Variants in L3MBTL3 observed in about 807,000 individuals in gnomAD.
The protein encoded by L3MBTL3 is lethal(3)malignant brain tumor-like protein 3.
A neutral mutation model predicts 102.3 loss-of-function variants in L3MBTL3; 27 were observed. The ratio of observed to expected loss-of-function variants is 0.26; its 90% confidence interval spans 0.19 to 0.36. L3MBTL3 has a LOEUF of 0.36. Ranked by LOEUF, L3MBTL3 falls within the 10% of genes least tolerant of loss-of-function variation. The probability of loss-of-function intolerance (pLI) is 1.00; values close to 1 mark genes in which losing one functional copy is unlikely to be tolerated. For missense variants in L3MBTL3, 798 were observed against 955.3 expected, an observed-to-expected ratio of 0.84 and a Z score of 2.17; for synonymous variants, 340 against 320.9, an observed-to-expected ratio of 1.06 and a Z score of -0.64.
At chr6:130,114,991 C>T (rs1785571545) in intron 19 of L3MBTL3, among the ~76,000 whole-genome samples, 1 of 151,336 alleles carries the variant, frequency 6.6e-6, no homozygotes, top group Non-Finnish European at 1.5e-5. Flanking sequence ...TGTGGAGATT[C>T]TCATTCCCTT....
chr6:130,107,026 G>A (rs1785024420), intron 19 of L3MBTL3, among the ~76,000 whole-genome samples: 1 of 152,214 alleles, frequency 6.6e-6, no homozygotes, highest in South Asian at 2.1e-4. Flanking sequence ...TAACCCTTGA[G>A]AAGATACTGG....
intron 13 of L3MBTL3, among the ~76,000 whole-genome samples, chr6:130,072,021 T>A (rs1562286184): frequency 1.3e-5 from 2 of 152,094 alleles, no homozygotes; most frequent in African/African-American, 4.8e-5. Flanking sequence ...GCAGAATTTT[T>A]AAAAAATGTA....
At chr6:130,120,764 A>G in intron 19 of L3MBTL3, 115 bp from the exon 20 acceptor site, 1 of 765,746 alleles carries the variant, frequency 1.3e-6, no homozygotes, top group South Asian at 1.6e-5. Context: ...CCTTTCTAAC[A>G]CTTTAGTAGC....
At chr6:130,088,179 A>G (rs901274047) in intron 16 of L3MBTL3, among the ~76,000 whole-genome samples, 2 of 152,146 alleles carry the variant, frequency 1.3e-5, no homozygotes, top group African/African-American at 4.8e-5. Context: ...ACTGGCTGTG[A>G]GGGGTACAGT....
chr6:130,112,875 A>G (rs1306967738), intron 19 of L3MBTL3, among the ~76,000 whole-genome samples: 1 of 152,144 alleles, frequency 6.6e-6, no homozygotes, highest in Non-Finnish European at 1.5e-5. Flanking sequence ...ATCCTATCCC[A>G]GTGATCCATT....
chr6:130,064,580 G>C (rs924710390), intron 10 of L3MBTL3, among the ~76,000 whole-genome samples: 2 of 152,132 alleles, frequency 1.3e-5, no homozygotes, highest in Non-Finnish European at 2.9e-5. Context: ...TAGCATGGGG[G>C]AAGAAGAGGA....
At chr6:130,082,577 T>C (rs534661721) in intron 14 of L3MBTL3, among the ~76,000 whole-genome samples, 1 of 152,304 alleles carries the variant, frequency 6.6e-6, no homozygotes, top group African/African-American at 2.4e-5. Flanking sequence ...AATGTTCTTA[T>C]CATTTTTTGA....
chr6:130,066,370 A>G lies in L3MBTL3; in HGVS notation c.882A>G (p.Ile294Met), dbSNP rs779538633. The G allele has an allele frequency of 3.7e-6, 6 of 1,603,494 alleles. No individual in the cohort carries two copies. In the South Asian group the frequency reaches 6.7e-5, roughly 18 times the overall value. Residue 294 changes from isoleucine (I) to methionine (M), a missense_variant, in exon 11 of 23, where the codon ATA becomes ATG. Physicochemically the swap from Ile to Met is conservative, Grantham distance 10. Around this residue, in one of 4 missense-constraint regions of L3MBTL3, gnomAD observed 434 missense variants for 506.6 expected, o/e 0.86. Transcript: ENST00000361794. ...TGTTTCAGGTTTGTGGATACCGGAT[A>G]AAGCTTCACTTTGATGGGTATTCTG... ...LTVAEVCGYR[I>M]KLHFDGYSDC...
chr6:130,053,306 A>G (rs78552538), intron 7 of L3MBTL3, among the ~76,000 whole-genome samples: 2,620 of 152,274 alleles, frequency 0.017, 36 homozygotes, highest in Middle Eastern at 0.065. Context: ...CACAATGCCA[A>G]TCTCATTTCT....
At chr6:130,072,846 T>G (rs1427573756) in intron 13 of L3MBTL3, among the ~76,000 whole-genome samples, 1 of 152,208 alleles carries the variant, frequency 6.6e-6, no homozygotes, top group Non-Finnish European at 1.5e-5. Flanking sequence ...TTTTTGTTTA[T>G]TTTTAGCTTG....
chr6:130,037,563 T>G (rs961500481), intron 2 of L3MBTL3, among the ~76,000 whole-genome samples: 1 of 152,166 alleles, frequency 6.6e-6, no homozygotes, highest in Non-Finnish European at 1.5e-5. Flanking sequence ...AGATTAATTC[T>G]TTCTCAGCTC....
At chr6:130,022,526 A>G (rs1019750503) in intron 2 of L3MBTL3, among the ~76,000 whole-genome samples, 8 of 152,222 alleles carry the variant, frequency 5.3e-5, no homozygotes, top group African/African-American at 1.9e-4. Context: ...GTATTGCCTT[A>G]CTTACTAGAT....
intron 11 of L3MBTL3, among the ~76,000 whole-genome samples, chr6:130,067,150 G>A (rs144983957): frequency 1.3e-5 from 2 of 151,956 alleles, no homozygotes; most frequent in Admixed American, 6.6e-5. Context: ...GTCTTGCTGT[G>A]TCGCCCAGGT....
intron 2 of L3MBTL3, among the ~76,000 whole-genome samples, chr6:130,029,737 C>A (rs1562248986): frequency 6.6e-6 from 1 of 152,144 alleles, no homozygotes. Flanking sequence ...AGTTTTCATT[C>A]CTCTGCCCTG....
At chr6:130,060,649 T>C (rs1223628099) in intron 10 of L3MBTL3, among the ~76,000 whole-genome samples, 13 of 152,074 alleles carry the variant, frequency 8.5e-5, no homozygotes, top group Admixed American at 8.5e-4. Context: ...TCTGATTCTA[T>C]AGGCTTTGCC....
At chr6:130,033,071 A>C (rs1208207101) in intron 2 of L3MBTL3, among the ~76,000 whole-genome samples, 1 of 152,174 alleles carries the variant, frequency 6.6e-6, no homozygotes, top group Non-Finnish European at 1.5e-5. Flanking sequence ...AAGTGATACG[A>C]AGAGGAGGAA....
At chr6:130,054,356 A>G (rs1282946655) in intron 7 of L3MBTL3, among the ~76,000 whole-genome samples, 1 of 152,166 alleles carries the variant, frequency 6.6e-6, no homozygotes, top group Non-Finnish European at 1.5e-5. Context: ...AAGCCTCTGG[A>G]AAGTTAAGAC....
intron 20 of L3MBTL3, among the ~76,000 whole-genome samples, chr6:130,123,759 G>A (rs1346178495): frequency 1.3e-5 from 2 of 152,130 alleles, no homozygotes; most frequent in East Asian, 1.9e-4. Flanking sequence ...GTACTGGATA[G>A]CACCATCCAG....
chr6:130,057,510 C>T lies in L3MBTL3; in HGVS notation c.759+13C>T. 1.3e-6 allele frequency: 2 copies of T among 1,592,626 alleles called. No homozygotes were observed. Among genetic ancestry groups the T allele is most frequent in the Non-Finnish European group, 1.7e-6 (2 of 1,168,888 alleles). Reference sequence around the variant, plus strand: ...GCTGTTCAAGGAGGTACGGGCCCTTCTAGAGACGTGATCTGTAAGGGCGCA... The same window carrying T: ...GCTGTTCAAGGAGGTACGGGCCCTTTTAGAGACGTGATCTGTAAGGGCGCA... On this transcript the variant is annotated intron_variant, in intron 9 of 22. Coordinates refer to ENST00000361794, the MANE Select transcript of L3MBTL3 (RefSeq NM_032438.4).
Sources: allele counts gnomAD v4.1 joint callset (sites outside exome capture counted in the v4.1 genomes callset), GRCh38; gene constraint gnomAD v4.1.1; regional missense constraint gnomAD v4.1.1; transcripts MANE v1.5; gene names NCBI Gene and HGNC (gene_info 2026-07-23, HGNC 2026-07-21).